CDH4: variants seen among roughly 807,000 people sequenced by gnomAD.
The protein encoded by CDH4 is cadherin-4.
A neutral mutation model predicts 86.0 loss-of-function variants in CDH4; 33 were observed. The observed-to-expected ratio is 0.38, with a 90% CI of 0.29 to 0.51. The LOEUF (loss-of-function observed/expected upper bound fraction) is 0.51, where lower values mean the gene tolerates loss of function less well. Among genes scored for constraint, CDH4 ranks in the 20% least tolerant of loss-of-function variants. CDH4 has a pLI of 0.86. For synonymous variants in CDH4, 555 were observed against 549.4 expected (o/e 1.01, Z -0.14); for missense variants, 1,114 against 1,307.4 (o/e 0.85, Z 2.28).
intron 2 of CDH4, among the ~76,000 whole-genome samples, chr20:61,371,305 C>T (rs1189141757): frequency 6.6e-6 from 1 of 152,164 alleles, no homozygotes; most frequent in Non-Finnish European, 1.5e-5. Flanking sequence ...TGCAGCGTCC[C>T]CCAGGCAGAC....
chr20:61,723,587 G>C (rs1295816982), intron 2 of CDH4, among the ~76,000 whole-genome samples: 7 of 152,206 alleles, frequency 4.6e-5, no homozygotes, highest in African/African-American at 9.6e-5. Flanking sequence ...TCTTCTCGAG[G>C]GTTCCCTGAA....
At chr20:61,726,980 C>T (rs2088121679) in intron 2 of CDH4, among the ~76,000 whole-genome samples, 1 of 151,558 alleles carries the variant, frequency 6.6e-6, no homozygotes, top group South Asian at 2.1e-4. Context: ...ATCATCGCCA[C>T]CATAGGTACC....
chr20:61,539,473 C>CTGTG (rs1048192413), intron 2 of CDH4, among the ~76,000 whole-genome samples: 1 of 152,172 alleles, frequency 6.6e-6, no homozygotes, highest in East Asian at 1.9e-4. Flanking sequence ...GGAGTCGTCC[C>CTGTG]TGTGTGTGTG....
intron 4 of CDH4, among the ~76,000 whole-genome samples, chr20:61,805,808 G>A (rs952916027): frequency 3.9e-5 from 6 of 152,240 alleles, no homozygotes; most frequent in African/African-American, 1.2e-4. Flanking sequence ...TGTGGTGGGT[G>A]CATGAGTTGT....
At chr20:61,650,227 A>G (rs1054683209) in intron 2 of CDH4, among the ~76,000 whole-genome samples, 3 of 152,154 alleles carry the variant, frequency 2.0e-5, no homozygotes, top group East Asian at 3.9e-4. Flanking sequence ...AATCAGAAGA[A>G]TCTCTTCCAC....
At chr20:61,445,300 C>T (rs2085342902) in intron 2 of CDH4, among the ~76,000 whole-genome samples, 1 of 152,194 alleles carries the variant, frequency 6.6e-6, no homozygotes, top group Admixed American at 6.5e-5. Flanking sequence ...CGGCCATCCC[C>T]AGGCAGGACA....
intron 2 of CDH4, among the ~76,000 whole-genome samples, chr20:61,733,916 G>A (rs566744236): frequency 5.9e-5 from 9 of 152,362 alleles, no homozygotes; most frequent in Admixed American, 2.6e-4. Context: ...CTGCATGCCC[G>A]TCTTGGGGAG....
At chr20:61,588,036 C>T (rs1419005088) in intron 2 of CDH4, among the ~76,000 whole-genome samples, 1 of 152,154 alleles carries the variant, frequency 6.6e-6, no homozygotes, top group Non-Finnish European at 1.5e-5. Flanking sequence ...TAAATGATGT[C>T]CTGGTGCAGC....
chr20:61,379,150 A>T (rs527776817), intron 2 of CDH4, among the ~76,000 whole-genome samples: 1 of 152,272 alleles, frequency 6.6e-6, no homozygotes, highest in South Asian at 2.1e-4. Flanking sequence ...GACAAGTGGT[A>T]AGTGTAATTC....
chr20:61,689,845 GGTGGTT>G (rs2087632715), intron 2 of CDH4, among the ~76,000 whole-genome samples: 1 of 109,952 alleles, frequency 9.1e-6, no homozygotes, highest in African/African-American at 4.3e-5. Flanking sequence ...GAGCTGGGAC[GGTGGTT>G]GGTGAGGTGA....
chr20:61,547,667 T>G (rs2086098820), intron 2 of CDH4, among the ~76,000 whole-genome samples: 1 of 152,120 alleles, frequency 6.6e-6, no homozygotes, highest in South Asian at 2.1e-4. Context: ...CAAGGAACCT[T>G]TGAAGTCAGA....
intron 2 of CDH4, among the ~76,000 whole-genome samples, chr20:61,354,964 C>T (rs929781266): frequency 1.1e-4 from 16 of 152,130 alleles, no homozygotes; most frequent in African/African-American, 2.9e-4. Context: ...TTTGGAATGG[C>T]GCATTAACAT....
chr20:61,398,121 G>A (rs982069726), intron 2 of CDH4, among the ~76,000 whole-genome samples: 6 of 152,258 alleles, frequency 3.9e-5, no homozygotes, highest in Admixed American at 2.0e-4. Flanking sequence ...GTATTCTCAC[G>A]TTAGAATTGA....
At chr20:61,304,917 G>A (rs116707819) in intron 2 of CDH4, among the ~76,000 whole-genome samples, 17 of 151,836 alleles carry the variant, frequency 1.1e-4, no homozygotes, top group South Asian at 1.0e-3. Flanking sequence ...AGTATGTTGC[G>A]TGTGTTGTAC....
intron 5 of CDH4, among the ~76,000 whole-genome samples, chr20:61,847,985 G>C (rs1982536196): frequency 6.6e-6 from 1 of 152,200 alleles, no homozygotes. Context: ...AGAAGGGACG[G>C]AACATCCAAA....
At chr20:61,748,398 A>G (rs2088445454) in intron 3 of CDH4, among the ~76,000 whole-genome samples, 1 of 152,198 alleles carries the variant, frequency 6.6e-6, no homozygotes, top group Non-Finnish European at 1.5e-5. Context: ...CCCAAGGAAT[A>G]TCTTAAAAGT....
At chr20:61,748,093 G>A (rs561800264) in intron 3 of CDH4, among the ~76,000 whole-genome samples, 2 of 151,508 alleles carry the variant, frequency 1.3e-5, no homozygotes, top group South Asian at 2.1e-4. Context: ...GGGGCGTTGT[G>A]GGGGGGTTGG....
chr20:61,714,205 C>G (rs2087927656), intron 2 of CDH4, among the ~76,000 whole-genome samples: 2 of 151,962 alleles, frequency 1.3e-5, no homozygotes, highest in Non-Finnish European at 2.9e-5. Context: ...CGCCACCACG[C>G]CTGGCTAATT....
intron 2 of CDH4, among the ~76,000 whole-genome samples, chr20:61,668,905 GC>G (rs1362115003): frequency 6.6e-6 from 1 of 152,198 alleles, no homozygotes; most frequent in Non-Finnish European, 1.5e-5. Flanking sequence ...ACCAGCACCC[GC>G]CTGTTCTCAT....
Sources: gnomAD v4.1 joint callset for allele counts (sites outside exome capture counted in the v4.1 genomes callset) on GRCh38, gnomAD v4.1.1 for gene constraint, MANE v1.5 for transcripts, NCBI Gene and HGNC (gene_info 2026-07-23, HGNC 2026-07-21) for gene names.